Variants in KIRREL3 observed in about 807,000 individuals in gnomAD.
KIRREL3 encodes kirre like nephrin family adhesion molecule 3.
A neutral mutation model predicts 89.7 loss-of-function variants in KIRREL3; 36 were observed. The ratio of observed to expected loss-of-function variants is 0.40; its 90% CI spans 0.31 to 0.53. The LOEUF (loss-of-function observed/expected upper bound fraction) is 0.53. KIRREL3 is among the 20% of genes least tolerant of loss of function. The pLI, the probability that KIRREL3 is intolerant of heterozygous loss-of-function variation, is 0.49. For missense variants in KIRREL3, 864 were observed against 1,056.6 expected (o/e 0.82, Z 2.53); for synonymous variants, 445 against 441.4 (o/e 1.01, Z -0.10).
rs1326612968 is a variant in KIRREL3, at chr11:126,771,893, G to C, written c.56-208981C>G. Among the ~76,000 whole-genome samples the C allele has an allele frequency of 6.6e-6, 1 of 152,228 alleles. No homozygotes were observed. Among genetic ancestry groups the C allele is most frequent in the Non-Finnish European group, 1.5e-5 (1 of 68,044 alleles). On this transcript the variant is annotated intron_variant, in intron 1 of 16. Coordinates refer to ENST00000525144, the MANE Select transcript of KIRREL3 (RefSeq NM_032531.4). This position sits in a 1 kb window ranked among gnomAD's most constrained non-coding sequence, Gnocchi z 4.4. The stretch of plus-strand genomic sequence containing the variant: ...ATCTCTGCAATTCCTTTGTTGACAG[G>C]CTGAGCATGCAGCAATAGAAGACGA...
At chr11:126,937,846 CA>C (rs1289127227) in intron 1 of KIRREL3, among the ~76,000 whole-genome samples, 23 of 152,274 alleles carry the variant, frequency 1.5e-4, no homozygotes, top group Middle Eastern at 3.4e-3. Context: ...TTGCAGTGAG[CA>C]GGAATTGCAC....
At position 126,926,729 on chromosome 11, in the gene KIRREL3, G is replaced by C. The variant is rs994341596; in HGVS notation, c.55+73726C>G. Among the ~76,000 whole-genome samples the C allele has an allele frequency of 6.6e-5, 10 of 152,296 alleles. No homozygotes were observed. In the East Asian group the frequency reaches 1.7e-3, roughly 26 times the overall value. On this transcript the variant is annotated intron_variant, in intron 1 of 16. Coordinates refer to ENST00000525144, the MANE Select transcript of KIRREL3 (RefSeq NM_032531.4). ...GCTCTGTGGTTGGGATGCAGTGCACGGCCAAGCAGCATGGAAACCTCTGAC... is the reference window on the plus strand; with the variant it reads ...GCTCTGTGGTTGGGATGCAGTGCACCGCCAAGCAGCATGGAAACCTCTGAC...
chr11:126,810,371 T>C lies in KIRREL3; in HGVS notation c.55+190084A>G, dbSNP rs529052400. On this transcript the variant is annotated intron_variant, in intron 1 of 16. Coordinates refer to ENST00000525144, the MANE Select transcript of KIRREL3 (RefSeq NM_032531.4). ...TTACAGCAGCTTCACACTGCCCTGA[T>C]TACCATATATTAGCTTTCTGCAGAC... Among the ~76,000 whole-genome samples the C allele has an allele frequency of 1.6e-4, 25 of 152,306 alleles. 1 individual carries two copies. In the East Asian group the frequency reaches 4.8e-3, roughly 29 times the overall value.
intron 2 of KIRREL3, among the ~76,000 whole-genome samples, chr11:126,552,323 C>T (rs948254615): frequency 1.1e-4 from 16 of 152,282 alleles, no homozygotes; most frequent in East Asian, 1.9e-4. Flanking sequence ...AAGTTCCAAA[C>T]GAGTGGACTA....
rs925303019 is a variant in KIRREL3, at chr11:126,471,075, C to T, written c.591+2234G>A. Reference sequence around the variant, plus strand: ...CAACTGCCGTTGAAAAGACAGTTTGCGGCCGGGCGCAGTGGCTCAGTCCTG... The same window carrying T: ...CAACTGCCGTTGAAAAGACAGTTTGTGGCCGGGCGCAGTGGCTCAGTCCTG... On this transcript the variant is annotated intron_variant, in intron 5 of 16. Coordinates refer to ENST00000525144, the MANE Select transcript of KIRREL3 (RefSeq NM_032531.4). This position sits in a 1 kb window ranked among gnomAD's most constrained non-coding sequence, Gnocchi z 5.4. 1.3e-5 allele frequency among the ~76,000 whole-genome samples: 2 copies of T among 152,196 alleles called. No individual in the cohort carries two copies. The highest frequency in any genetic ancestry group is 3.4e-3 in the Middle Eastern group (1 of 294).
rs573942829 is a variant in KIRREL3, at chr11:126,515,324, C to T, written c.433+5991G>A. 6.6e-6 allele frequency among the ~76,000 whole-genome samples: 1 copy of T among 152,256 alleles called. No homozygotes were observed. The highest frequency in any genetic ancestry group is 2.1e-4 in the South Asian group (1 of 4,822). ...AATTAGCTGGGTGAGGTGGTGCATG[C>T]CTGTGGTCTCAGCTACTCGGGAGGC... On this transcript the variant is annotated intron_variant, in intron 4 of 16. Transcript: ENST00000525144. The surrounding 1 kb of genome is among the most constrained non-coding windows in gnomAD (Gnocchi z 4.2).
chr11:126,552,408 C>T (rs187456588), intron 2 of KIRREL3, among the ~76,000 whole-genome samples: 1 of 152,274 alleles, frequency 6.6e-6, no homozygotes, highest in East Asian at 1.9e-4. Flanking sequence ...GCACCTCCCA[C>T]CCCCATCAGG....
At chr11:126,862,936 C>T (rs902845985) in intron 1 of KIRREL3, among the ~76,000 whole-genome samples, 9 of 152,200 alleles carry the variant, frequency 5.9e-5, no homozygotes, top group Non-Finnish European at 1.3e-4. Context: ...CACAGAGAGC[C>T]CAAGCATCAC....
At position 126,563,834 on chromosome 11, in the gene KIRREL3, C is replaced by T. The variant is rs76054298; in HGVS notation, c.56-922G>A. On this transcript the variant is annotated intron_variant, in intron 1 of 16. Transcript: ENST00000525144. This position sits in a 1 kb window ranked among gnomAD's most constrained non-coding sequence, Gnocchi z 6.8. ...GATTCATCTTAATCACTTTATGGAT[C>T]CTGAAGCAATAGCACACTAATTTTT... Among the ~76,000 whole-genome samples the T allele has an allele frequency of 0.017, 2,631 of 152,252 alleles. 73 individuals carry two copies. The highest frequency in any genetic ancestry group is 0.057 in the African/African-American group (2,385 of 41,518).
Position 126,906,779 on chromosome 11 carries a change from G to A in KIRREL3, c.55+93676C>T, listed in dbSNP as rs1946603915. Among the ~76,000 whole-genome samples the A allele has an allele frequency of 1.3e-5, 2 of 152,180 alleles. No homozygotes were observed. Among genetic ancestry groups the A allele is most frequent in the Non-Finnish European group, 2.9e-5 (2 of 68,024 alleles). On this transcript the variant is annotated intron_variant, in intron 1 of 16. Coordinates refer to ENST00000525144, the MANE Select transcript of KIRREL3 (RefSeq NM_032531.4). This position sits in a 1 kb window ranked among gnomAD's most constrained non-coding sequence, Gnocchi z 4.1. ...CCTCCTCTGTAGCCCACAGTGCAAG[G>A]CTGCCTGTGGCTTCTTCCTGGGACG...
chr11:126,526,456 A>G lies in KIRREL3; in HGVS notation c.283+82T>C. ...ATTCGATACTCAGACACCTGTGAAG[A>G]TGGGTGCTCCCTAGGAAGGTGGATG... On this transcript the variant is annotated intron_variant, in intron 3 of 16. Coordinates refer to ENST00000525144, the MANE Select transcript of KIRREL3 (RefSeq NM_032531.4). The surrounding 1 kb of genome is among the most constrained non-coding windows in gnomAD (Gnocchi z 5.7). 1 of 1,357,086 alleles carries G rather than the reference A, an allele frequency of 7.4e-7. No individual in the cohort carries two copies. Among genetic ancestry groups the G allele is most frequent in the Non-Finnish European group, 1.0e-6 (1 of 982,988 alleles). 84.1% of individuals were successfully genotyped at this position (1,357,086 alleles called of 1,614,324 possible). A position where few individuals can be genotyped will look rare whatever the true frequency, so the allele number is the denominator to read the frequency against.
At position 126,772,892 on chromosome 11, in the gene KIRREL3, C is replaced by A. The variant is rs567238073; in HGVS notation, c.56-209980G>T. Among the ~76,000 whole-genome samples, 14 of 152,318 alleles carry A rather than the reference C, an allele frequency of 9.2e-5. No homozygotes were observed. Among genetic ancestry groups the A allele is most frequent in the Non-Finnish European group, 1.0e-4 (7 of 68,020 alleles). The stretch of plus-strand genomic sequence containing the variant: ...TTTGGCCAGAAACCTGCTTGGCCAA[C>A]AATCTCCCCAGTGATTCTTACGGAC... On this transcript the variant is annotated intron_variant, in intron 1 of 16. Coordinates refer to ENST00000525144, the MANE Select transcript of KIRREL3 (RefSeq NM_032531.4). The surrounding 1 kb of genome is among the most constrained non-coding windows in gnomAD (Gnocchi z 4.6).
chr11:126,676,781 C>A lies in KIRREL3; in HGVS notation c.56-113869G>T, dbSNP rs1946209354. On this transcript the variant is annotated intron_variant, in intron 1 of 16. Transcript: ENST00000525144. The surrounding 1 kb of genome is among the most constrained non-coding windows in gnomAD (Gnocchi z 4.5). Reference sequence around the variant, plus strand: ...TGCAACTTTTTATTTTTCTTTAGAGCTGATTTTTTTTTTTTCCTTTTGAGA... The same window carrying A: ...TGCAACTTTTTATTTTTCTTTAGAGATGATTTTTTTTTTTTCCTTTTGAGA... Among the ~76,000 whole-genome samples, 1 of 151,450 alleles carries A rather than the reference C, an allele frequency of 6.6e-6. No individual in the cohort carries two copies. The highest frequency in any genetic ancestry group is 2.4e-5 in the African/African-American group (1 of 41,024).
intron 1 of KIRREL3, among the ~76,000 whole-genome samples, chr11:126,866,500 C>T (rs973823776): frequency 2.0e-5 from 3 of 152,150 alleles, no homozygotes; most frequent in Non-Finnish European, 4.4e-5. Context: ...GGAGGGGGGC[C>T]GGGAAGTGCA....
At chr11:126,629,021 G>T (rs557969884) in intron 1 of KIRREL3, among the ~76,000 whole-genome samples, 4 of 152,338 alleles carry the variant, frequency 2.6e-5, no homozygotes, top group South Asian at 4.1e-4. Flanking sequence ...GCAGGCAGAA[G>T]ATTTTAATTA....
At position 126,441,888 on chromosome 11, in the gene KIRREL3, AG is replaced by A. The variant is rs1328685798; in HGVS notation, c.1253-1340del. 6.6e-6 allele frequency among the ~76,000 whole-genome samples: 1 copy of A among 152,198 alleles called. No homozygotes were observed. Reference sequence around the variant, plus strand: ...TTCCTAAAAATCCTTCAGCTCCAACAGGTCTAGGACCCAAAGAGATGAGGAG... The same window carrying A: ...TTCCTAAAAATCCTTCAGCTCCAACAGTCTAGGACCCAAAGAGATGAGGAG... On this transcript the variant is annotated intron_variant, in intron 10 of 16. Transcript: ENST00000525144. This position sits in a 1 kb window ranked among gnomAD's most constrained non-coding sequence, Gnocchi z 5.0.
chr11:126,472,268 A>G (rs2134279233), intron 5 of KIRREL3, among the ~76,000 whole-genome samples: 1 of 152,270 alleles, frequency 6.6e-6, no homozygotes, highest in South Asian at 2.1e-4. Context: ...CTATAACAAG[A>G]TATATAAACT....
At chr11:126,598,719 A>G (rs915905082) in intron 1 of KIRREL3, among the ~76,000 whole-genome samples, 1 of 152,214 alleles carries the variant, frequency 6.6e-6, no homozygotes, top group Non-Finnish European at 1.5e-5. Flanking sequence ...TTGAATGCCA[A>G]ACTGATACAC....
At chr11:126,629,538 C>T (rs1174357692) in intron 1 of KIRREL3, among the ~76,000 whole-genome samples, 2 of 152,152 alleles carry the variant, frequency 1.3e-5, no homozygotes, top group Non-Finnish European at 2.9e-5. Context: ...GTGGAGGGAC[C>T]GTTGGCTGGA....
Sources: gnomAD v4.1 joint callset for allele counts (sites outside exome capture counted in the v4.1 genomes callset) on GRCh38, gnomAD v4.1.1 for gene constraint, Gnocchi (gnomAD v3.1) non-coding constraint, MANE v1.5 for transcripts, NCBI Gene and HGNC (gene_info 2026-07-23, HGNC 2026-07-21) for gene names.